Variants in CUBN observed in about 807,000 individuals in gnomAD.
CUBN encodes the protein cubilin.
CUBN carries 282 observed loss-of-function variants against 405.3 expected under a neutral mutation model. That is an observed-to-expected ratio of 0.70 (90% confidence interval 0.63 to 0.77). The LOEUF (loss-of-function observed/expected upper bound fraction) is 0.77. Ranked by LOEUF, CUBN falls within the 30% of genes least tolerant of loss-of-function variation. The pLI is 0.00. For synonymous variants in CUBN, 1,684 were observed against 1,617.0 expected, an observed-to-expected ratio of 1.04 and a Z score of -0.99; for missense variants, 4,514 against 4,475.2, an observed-to-expected ratio of 1.01 and a Z score of -0.25.
chr10:16,851,624 C>A (rs1255801487), intron 59 of CUBN, among the ~76,000 whole-genome samples, 181 bp from the exon 60 acceptor site: 2 of 143,498 alleles, frequency 1.4e-5, no homozygotes, highest in Non-Finnish European at 3.1e-5. Flanking sequence ...TTCTTCCTTC[C>A]CCCCACCCGC....
At chr10:16,958,957 G>A (rs1015250273) in intron 31 of CUBN, among the ~76,000 whole-genome samples, 30 of 152,226 alleles carry the variant, frequency 2.0e-4, no homozygotes, top group Admixed American at 3.9e-4. Context: ...TCTGCTTCAA[G>A]GTGGTACCTT....
At chr10:16,965,735 T>C (rs1588528711) in intron 31 of CUBN, 1 of 188,312 alleles carries the variant, frequency 5.3e-6, no homozygotes, top group East Asian at 1.7e-4. Context: ...AACATAGCGT[T>C]AATAGTAATA....
intron 14 of CUBN, among the ~76,000 whole-genome samples, chr10:17,099,202 A>G (rs1416328227): frequency 6.6e-6 from 1 of 152,192 alleles, no homozygotes; most frequent in Non-Finnish European, 1.5e-5. Flanking sequence ...AAATTGATCC[A>G]CAGATGTATT....
At chr10:16,962,647 A>G (rs1843266624) in intron 31 of CUBN, among the ~76,000 whole-genome samples, 1 of 152,104 alleles carries the variant, frequency 6.6e-6, no homozygotes, top group Non-Finnish European at 1.5e-5. Flanking sequence ...TCTTGCTAGC[A>G]CTTTCTGTCT....
At chr10:16,952,207 T>C in intron 33 of CUBN, 69 bp downstream of exon 33, 1 of 1,095,512 alleles carries the variant, frequency 9.1e-7, no homozygotes, top group Non-Finnish European at 1.4e-6. Flanking sequence ...AGAAGGTTAC[T>C]CATAGACTGA....
intron 34 of CUBN, 25 bp from the exon 35 acceptor site, chr10:16,948,631 G>A (rs1357271190): frequency 1.9e-6 from 3 of 1,612,732 alleles, no homozygotes; most frequent in East Asian, 2.2e-5. Flanking sequence ...TAATGACAAG[G>A]AGAATGAATG....
intron 56 of CUBN, among the ~76,000 whole-genome samples, chr10:16,883,437 T>C (rs1458260580): frequency 1.3e-5 from 2 of 152,144 alleles, no homozygotes; most frequent in Admixed American, 1.3e-4. Context: ...TCTAAAGTAA[T>C]GTGGAATGCG....
chr10:17,013,807 A>T (rs191749643), intron 28 of CUBN, among the ~76,000 whole-genome samples: 1 of 152,218 alleles, frequency 6.6e-6, no homozygotes, highest in East Asian at 1.9e-4. Context: ...GTATGGTTAC[A>T]TCACTAACTA....
At chr10:17,017,384 G>C (rs1030293875) in intron 28 of CUBN, among the ~76,000 whole-genome samples, 2 of 152,150 alleles carry the variant, frequency 1.3e-5, no homozygotes, top group African/African-American at 4.8e-5. Context: ...ATTGGATTTA[G>C]TGGCCCTTAC....
intron 17 of CUBN, among the ~76,000 whole-genome samples, chr10:17,073,595 T>G (rs1048682676): frequency 1.3e-5 from 2 of 152,044 alleles, no homozygotes; most frequent in Non-Finnish European, 2.9e-5. Context: ...TACAGGCATG[T>G]GCCACCACGC....
intron 54 of CUBN, among the ~76,000 whole-genome samples, chr10:16,891,984 T>C (rs560785118): frequency 6.6e-6 from 1 of 152,284 alleles, no homozygotes; most frequent in South Asian, 2.1e-4. Context: ...TATTCAACAT[T>C]TTCTTCACAT....
chr10:16,988,978 T>C (rs761534516), intron 29 of CUBN, among the ~76,000 whole-genome samples: 2 of 152,220 alleles, frequency 1.3e-5, no homozygotes, highest in African/African-American at 2.4e-5. Flanking sequence ...GTGCCCTAAA[T>C]GTGCATTATT....
At chr10:17,046,375 C>T (rs905234168) in intron 23 of CUBN, among the ~76,000 whole-genome samples, 7 of 152,078 alleles carry the variant, frequency 4.6e-5, no homozygotes, top group Non-Finnish European at 8.8e-5. Context: ...TTCACCCTTT[C>T]GAATAAAGCC....
rs1224596376 is a variant in CUBN, at chr10:16,925,435, A to G, written c.6463-11T>C. On this transcript the variant is annotated splice_polypyrimidine_tract_variant and intron_variant, in intron 42 of 66. Coordinates refer to ENST00000377833, the MANE Select transcript of CUBN (RefSeq NM_001081.4). ...AGGACCATTTCTTAGCTGGAAAGACAAATTAAAATTTCATCAACTCCTTTA... is the reference window on the plus strand; with the variant it reads ...AGGACCATTTCTTAGCTGGAAAGACGAATTAAAATTTCATCAACTCCTTTA... The G allele has an allele frequency of 6.2e-7, 1 of 1,613,328 alleles. No homozygotes were observed. Among genetic ancestry groups the G allele is most frequent in the South Asian group, 1.1e-5 (1 of 91,072 alleles).
rs368467791 is a variant in CUBN, at chr10:17,025,929, AAG to A, written c.4018-5948_4018-5947del. Among the ~76,000 whole-genome samples, 886 of 152,238 alleles carry A rather than the reference AAG, an allele frequency of 5.8e-3. 10 individuals are homozygous for A. The highest frequency in any genetic ancestry group is 0.02 in the African/African-American group (823 of 41,536). Reference sequence around the variant, plus strand: ...ACAGATCATGCAGGGGACAGCAGCAAAGAGAGTTAGGAAACCAGAGGCTGTTA... The same window carrying A: ...ACAGATCATGCAGGGGACAGCAGCAAAGAGTTAGGAAACCAGAGGCTGTTA... On this transcript the variant is annotated intron_variant, in intron 27 of 66. Transcript: ENST00000377833.
chr10:16,970,554 C>T (rs1843521595), intron 31 of CUBN, among the ~76,000 whole-genome samples: 1 of 130,410 alleles, frequency 7.7e-6, no homozygotes, highest in South Asian at 2.4e-4. Flanking sequence ...CCAGCCTGGG[C>T]AACAAGAGTG....
chr10:16,972,850 C>A (rs535345152), intron 31 of CUBN, among the ~76,000 whole-genome samples: 10 of 151,970 alleles, frequency 6.6e-5, no homozygotes, highest in African/African-American at 1.7e-4. Flanking sequence ...CGTGTCCCTG[C>A]GCTCTCCATG....
At chr10:16,928,428 G>C (rs1842260382) in intron 40 of CUBN, 125 bp from the exon 41 acceptor site, 2 of 1,027,738 alleles carry the variant, frequency 1.9e-6, no homozygotes, top group Non-Finnish European at 1.5e-6. Context: ...GGAGATAATG[G>C]GATCCTCAAA....
At chr10:17,005,830 C>G (rs1240435325) in intron 28 of CUBN, among the ~76,000 whole-genome samples, 1 of 152,124 alleles carries the variant, frequency 6.6e-6, no homozygotes, top group Non-Finnish European at 1.5e-5. Flanking sequence ...GTTCTAACTC[C>G]CAGACCTCAG....
Sources: allele counts gnomAD v4.1 joint callset (sites outside exome capture counted in the v4.1 genomes callset), GRCh38; gene constraint gnomAD v4.1.1; transcripts MANE v1.5; gene names NCBI Gene and HGNC (gene_info 2026-07-23, HGNC 2026-07-21).